The following SNIP1 variants were observed in gnomAD, a reference collection of about 807,000 sequenced individuals.
SNIP1 encodes the protein smad nuclear-interacting protein 1.
Under a neutral mutation model 37.4 loss-of-function variants are expected in SNIP1, and 23 were observed. The ratio of observed to expected loss-of-function variants is 0.61; its 90% CI spans 0.44 to 0.87. SNIP1 has a LOEUF of 0.87. SNIP1 is among the 40% of genes least tolerant of loss of function. The pLI, the probability that SNIP1 is intolerant of heterozygous loss-of-function variation, is 0.00. For synonymous variants in SNIP1, 174 were observed against 200.0 expected (o/e 0.87, Z 1.10); for missense variants, 459 against 540.4 (o/e 0.85, Z 1.49).
rs1274682712 is a variant in SNIP1 at position 37,545,073 on chromosome 1, A to G, written c.328-4318T>C. 3 of 749,074 alleles carry G rather than the reference A, an allele frequency of 4.0e-6. No individual in the cohort carries two copies. The East Asian group carries it at 7.4e-5, about 18-fold the overall frequency. 46.4% of individuals were successfully genotyped at this position (749,074 alleles called of 1,614,324 possible). On this transcript the variant is annotated intron_variant, in intron 2 of 3. Coordinates refer to ENST00000296215, the MANE Select transcript of SNIP1 (RefSeq NM_024700.4). ...GCGATGGAGCATGCATTACATTTGG[A>G]AAAACTTGGGAATCAGTCACTACTG...
chr1:37,545,979 C>A (rs1388090707), intron 2 of SNIP1, among the ~76,000 whole-genome samples: 2 of 152,120 alleles, frequency 1.3e-5, no homozygotes, highest in Admixed American at 6.6e-5. Context: ...GAAAACAGTA[C>A]AGTGGTTCCA....
chr1:37,548,631 T>C (rs1175322968), intron 2 of SNIP1, among the ~76,000 whole-genome samples: 1 of 148,136 alleles, frequency 6.8e-6, no homozygotes, highest in Non-Finnish European at 1.5e-5. Flanking sequence ...CCCAGTTACT[T>C]GGGAGGCTGA....
chr1:37,552,873 A>G lies in SNIP1; in HGVS notation c.225-126T>C, dbSNP rs533753820. 133 of 765,558 alleles carry G rather than the reference A, an allele frequency of 1.7e-4. No homozygotes were observed. In the East Asian group the frequency reaches 3.2e-3, roughly 19 times the overall value. 47.4% of individuals were successfully genotyped at this position (765,558 alleles called of 1,614,324 possible). On this transcript the variant is annotated intron_variant, in intron 1 of 3. Coordinates refer to ENST00000296215, the MANE Select transcript of SNIP1 (RefSeq NM_024700.4). ...TGTGAAGGTCTCTGCCGGTCACATT[A>G]AAGGAGTCACGAGGTTCACTTTCCT... is the stretch of plus-strand genomic sequence containing the variant.
chr1:37,552,479 T>C (rs1305537056), intron 2 of SNIP1, 166 bp downstream of exon 2: 1 of 608,168 alleles, frequency 1.6e-6, no homozygotes, highest in Non-Finnish European at 3.0e-6. Context: ...GCAGAAAAAA[T>C]AAATACAGCC....
Position 37,537,818 on chromosome 1 carries a change from G to A in SNIP1, c.1121C>T (p.Ser374Leu), listed in dbSNP as rs1041174049. Residue 374 changes from serine to leucine, a missense_variant, in exon 4 of 4, where the codon TCG (serine) becomes TTG (leucine). Coordinates refer to ENST00000296215, the MANE Select transcript of SNIP1 (RefSeq NM_024700.4). ...SREYVLLHESSDTSEIDRKDD... is the reference protein window; with the variant it reads ...SREYVLLHESLDTSEIDRKDD... The stretch of plus-strand genomic sequence containing the variant: ...TTTCCTGTCTATTTCAGAAGTGTCC[G>A]ACGACTCATGGAGCAAGACGTATTC... 2 of 1,614,176 alleles carry A rather than the reference G, an allele frequency of 1.2e-6. No homozygotes were observed. The highest frequency in any genetic ancestry group is 1.7e-6 in the Non-Finnish European group (2 of 1,180,028).
chr1:37,543,862 T>C (rs1450264853), intron 2 of SNIP1, among the ~76,000 whole-genome samples: 1 of 151,024 alleles, frequency 6.6e-6, no homozygotes, highest in Non-Finnish European at 1.5e-5. Context: ...TCTTATAGGC[T>C]GGGCATGGTG....
At position 37,540,193 on chromosome 1, in the gene SNIP1, G is replaced by C. The variant is rs1478911110; in HGVS notation, c.890C>G (p.Pro297Arg). Reference sequence around the variant, plus strand: ...GACCGCATGCTGCTTTGAACAAGACGGGTGATCAATTGGAATGTCTGCAAT... The same window carrying C: ...GACCGCATGCTGCTTTGAACAAGACCGGTGATCAATTGGAATGTCTGCAAT... ...RRIADIPIDH[P>R]SCSKQHAVFQ... Residue 297 changes from proline (P) to arginine (R), a missense_variant, in exon 3 of 4, where the codon CCG becomes CGG. Physicochemically the swap from Pro to Arg is moderately radical, Grantham distance 103. Transcript: ENST00000296215. This position sits in a 1 kb window ranked among gnomAD's most constrained non-coding sequence, Gnocchi z 5.6. 1 of 1,603,186 alleles carries C rather than the reference G, an allele frequency of 6.2e-7. No individual in the cohort carries two copies. The highest frequency in any genetic ancestry group is 1.3e-5 in the African/African-American group (1 of 74,644).
At chr1:37,539,029 C>T (rs901036436) in intron 3 of SNIP1, among the ~76,000 whole-genome samples, 2 of 152,104 alleles carry the variant, frequency 1.3e-5, no homozygotes, top group Non-Finnish European at 2.9e-5. Flanking sequence ...GCGCTCCTTA[C>T]GAGAATCTAA....
Position 37,540,507 on chromosome 1 carries a change from C to A in SNIP1, c.576G>T (p.Arg192Ser). Reference protein sequence around the residue: ...YNARRREHRQRNDVGGGGSES... With the variant: ...YNARRREHRQSNDVGGGGSES... Reference sequence around the variant, plus strand: ...CACTGCCGCCACCACCAACGTCATTCCTCTGGCGATGCTCCCGTCGCCTGG... The same window carrying A: ...CACTGCCGCCACCACCAACGTCATTACTCTGGCGATGCTCCCGTCGCCTGG... Residue 192 changes from arginine (R) to serine (S), a missense_variant, in exon 3 of 4, where the codon AGG (arginine) becomes AGT (serine). Transcript: ENST00000296215. This position sits in a 1 kb window ranked among gnomAD's most constrained non-coding sequence, Gnocchi z 5.6. 6.2e-7 allele frequency: 1 copy of A among 1,614,166 alleles called. No individual in the cohort carries two copies. The highest frequency in any genetic ancestry group is 8.5e-7 in the Non-Finnish European group (1 of 1,180,028).
In SNIP1 at chr1:37,552,853, A is replaced by C; in HGVS notation, c.225-106T>G. 3.4e-6 allele frequency: 3 copies of C among 890,412 alleles called. No homozygotes were observed. In the South Asian group the frequency reaches 4.1e-5, roughly 12 times the overall value. 55.2% of individuals were successfully genotyped at this position (890,412 alleles called of 1,614,324 possible). On this transcript the variant is annotated intron_variant, in intron 1 of 3. Coordinates refer to ENST00000296215, the MANE Select transcript of SNIP1 (RefSeq NM_024700.4). ...ACTAACACAAACACCGCATTTGTGA[A>C]GGTCTCTGCCGGTCACATTAAAGGA...
At position 37,540,100 on chromosome 1, in the gene SNIP1, T is replaced by A. The variant is rs1200460525; in HGVS notation, c.926+57A>T. The A allele has an allele frequency of 2.1e-6, 3 of 1,449,656 alleles. No individual in the cohort carries two copies. In the African/African-American group the frequency reaches 4.3e-5, roughly 21 times the overall value. The allele number at this position is 1,449,656 out of a possible 1,614,324, so 89.8% of individuals were successfully genotyped here. On this transcript the variant is annotated intron_variant, in intron 3 of 3. Coordinates refer to ENST00000296215, the MANE Select transcript of SNIP1 (RefSeq NM_024700.4). This position sits in a 1 kb window ranked among gnomAD's most constrained non-coding sequence, Gnocchi z 5.6. ...TAAACATGAACAAAAATCTTAGTAA[T>A]CCTAACTGAGTGATTGTTTCTGCTC...
intron 2 of SNIP1, chr1:37,548,764 G>C (rs558839982): frequency 6.8e-6 from 1 of 147,990 alleles, no homozygotes; most frequent in Non-Finnish European, 1.5e-5. Flanking sequence ...AAAAAAAGAC[G>C]ACTGAATTCT....
At chr1:37,552,872 T>TA (rs2148118315) in intron 1 of SNIP1, 125 bp from the exon 2 acceptor site, 2 of 769,754 alleles carry the variant, frequency 2.6e-6, no homozygotes, top group African/African-American at 3.4e-5. Flanking sequence ...CCGGTCACAT[T>TA]AAAGGAGTCA....
At chr1:37,550,366 T>G (rs191809379) in intron 2 of SNIP1, among the ~76,000 whole-genome samples, 2 of 152,260 alleles carry the variant, frequency 1.3e-5, no homozygotes, top group Admixed American at 1.3e-4. Flanking sequence ...TAAAAAGAAT[T>G]CTTAAACACT....
rs767076459 is a variant in SNIP1, at chr1:37,540,718, C to T, written c.365G>A (p.Arg122Gln). Residue 122 changes from arginine to glutamine, a missense_variant, in exon 3 of 4, where the codon CGG becomes CAG. Coordinates refer to ENST00000296215, the MANE Select transcript of SNIP1 (RefSeq NM_024700.4). This position sits in a 1 kb window ranked among gnomAD's most constrained non-coding sequence, Gnocchi z 5.6. Reference sequence around the variant, plus strand: ...CTGTTCTGATGGTTCCCTGTGCTGCCGATCCTCCCGTCCTCTCCGGGGATG... The same window carrying T: ...CTGTTCTGATGGTTCCCTGTGCTGCTGATCCTCCCGTCCTCTCCGGGGATG... ...EDHPRRGRED[R>Q]QHREPSEQEH... 16 of 1,612,480 alleles carry T rather than the reference C, an allele frequency of 9.9e-6. No individual in the cohort carries two copies. The highest frequency in any genetic ancestry group is 5.5e-5 in the South Asian group (5 of 91,060).
At chr1:37,543,685 C>A (rs1643197530) in intron 2 of SNIP1, among the ~76,000 whole-genome samples, 1 of 150,710 alleles carries the variant, frequency 6.6e-6, no homozygotes, top group African/African-American at 2.4e-5. Flanking sequence ...CACTGTTGGG[C>A]TTTCAATAAG....
At chr1:37,539,713 A>C (rs1460965649) in intron 3 of SNIP1, among the ~76,000 whole-genome samples, 1 of 152,182 alleles carries the variant, frequency 6.6e-6, no homozygotes, top group Non-Finnish European at 1.5e-5. Context: ...CGTCTCAAAA[A>C]ACAAAAAATC....
In SNIP1 at chr1:37,537,922, TAAG is replaced by T; in HGVS notation, c.1014_1016del (p.Phe338del). ...TCTGTGGCTCAATACGTTTGTTGTT[TAAG>T]AAGGTTCCATTGCCTGAGCCAAGGT... On this transcript the variant is annotated inframe_deletion, in exon 4 of 4. Coordinates refer to ENST00000296215, the MANE Select transcript of SNIP1 (RefSeq NM_024700.4). The T allele has an allele frequency of 6.2e-7, 1 of 1,614,166 alleles. No individual in the cohort carries two copies. Among genetic ancestry groups the T allele is most frequent in the Non-Finnish European group, 8.5e-7 (1 of 1,180,026 alleles).
intron 2 of SNIP1, among the ~76,000 whole-genome samples, chr1:37,546,132 C>G (rs1643232937): frequency 7.8e-6 from 1 of 128,076 alleles, no homozygotes; most frequent in Non-Finnish European, 1.6e-5. Context: ...AAAGTGGAAG[C>G]ACTGGGACTA....
Sources: allele counts gnomAD v4.1 joint callset (sites outside exome capture counted in the v4.1 genomes callset), GRCh38; gene constraint gnomAD v4.1.1; non-coding constraint Gnocchi (gnomAD v3.1); transcripts MANE v1.5; gene names NCBI Gene and HGNC (gene_info 2026-07-23, HGNC 2026-07-21).